Variants in PTPRH observed in about 807,000 individuals in gnomAD.
The protein encoded by PTPRH is protein tyrosine phosphatase receptor type H.
PTPRH carries 113 observed loss-of-function variants against 130.2 expected under a neutral mutation model. That is an observed-to-expected ratio of 0.87 (90% CI 0.75 to 1.01). The LOEUF is 1.01. PTPRH is among the 50% of genes least tolerant of loss of function. PTPRH has a pLI of 0.00. For synonymous variants in PTPRH, 556 were observed against 577.9 expected, an observed-to-expected ratio of 0.96 and a Z score of 0.54; for missense variants, 1,430 against 1,425.0, an observed-to-expected ratio of 1.00 and a Z score of -0.06.
At chr19:55,206,245 A>AC (rs1303196971) in intron 3 of PTPRH, among the ~76,000 whole-genome samples, 2 of 152,100 alleles carry the variant, frequency 1.3e-5, no homozygotes, top group East Asian at 3.8e-4. Flanking sequence ...AAAAAAAAAA[A>AC]ATTGTATCTG....
At chr19:55,204,195 C>T (rs2122286666) in intron 4 of PTPRH, 147 bp from the exon 5 acceptor site, 1 of 896,718 alleles carries the variant, frequency 1.1e-6, no homozygotes, top group East Asian at 2.7e-5. Flanking sequence ...TCTCGGCTCA[C>T]CACAGCCTCC....
chr19:55,206,329 T>G (rs1266905602), intron 3 of PTPRH, among the ~76,000 whole-genome samples: 1 of 142,590 alleles, frequency 7.0e-6, no homozygotes, highest in Non-Finnish European at 1.5e-5. Context: ...TTTTCTTTTC[T>G]TTTTTTTTTT....
intron 14 of PTPRH, among the ~76,000 whole-genome samples, 160 bp downstream of exon 14, chr19:55,187,353 A>G (rs1568894947): frequency 7.2e-6 from 1 of 139,510 alleles, no homozygotes; most frequent in East Asian, 2.1e-4. Flanking sequence ...TCAAAAAAAA[A>G]AAAAAAAGAA....
At chr19:55,206,347 A>G (rs2087054511) in intron 3 of PTPRH, among the ~76,000 whole-genome samples, 1 of 146,178 alleles carries the variant, frequency 6.8e-6, no homozygotes, top group Admixed American at 6.8e-5. Flanking sequence ...TTTTTGAGAC[A>G]GGGTTTCTCT....
chr19:55,183,260 C>T (rs1214720684), intron 18 of PTPRH, among the ~76,000 whole-genome samples: 15 of 149,808 alleles, frequency 1.0e-4, no homozygotes, highest in Admixed American at 7.3e-4. Flanking sequence ...AAAAATTACC[C>T]GGGTGTGGTG....
Position 55,186,307 on chromosome 19 carries a change from G to A in PTPRH, c.2696C>T (p.Thr899Ile). Residue 899 changes from threonine to isoleucine, a missense_variant, in exon 16 of 20, where the codon ACA becomes ATA. By Grantham distance (89) the Thr-to-Ile change is moderately conservative. Coordinates refer to ENST00000376350, the MANE Select transcript of PTPRH (RefSeq NM_002842.5). ...CACCAGGCGCCAGAAGTCACCCACT[G>A]TCTGTGGCAGGGGACCCTGGGTTGC... Reference protein sequence around the residue: ...FIATQGPLPQTVGDFWRLVWE... With the variant: ...FIATQGPLPQIVGDFWRLVWE... 6.2e-7 allele frequency: 1 copy of A among 1,614,098 alleles called. No individual in the cohort carries two copies. The highest frequency in any genetic ancestry group is 8.5e-7 in the Non-Finnish European group (1 of 1,179,978).
At chr19:55,186,791 T>C (rs914808279) in intron 14 of PTPRH, among the ~76,000 whole-genome samples, 4 of 152,108 alleles carry the variant, frequency 2.6e-5, no homozygotes, top group African/African-American at 9.7e-5. Flanking sequence ...ACACCTGTAA[T>C]CCCAGAACTT....
chr19:55,194,838 T>C (rs533334099), intron 10 of PTPRH, among the ~76,000 whole-genome samples: 42 of 152,228 alleles, frequency 2.8e-4, no homozygotes, highest in Admixed American at 3.9e-4. Context: ...TTACCCATAA[T>C]GGTCAAAAGT....
chr19:55,191,556 A>T lies in PTPRH; in HGVS notation c.2337-8T>A. The T allele has an allele frequency of 1.2e-6, 2 of 1,614,176 alleles. No homozygotes were observed. The highest frequency in any genetic ancestry group is 2.7e-5 in the African/African-American group (2 of 75,038). On this transcript the variant is annotated splice_region_variant and splice_polypyrimidine_tract_variant and intron_variant, in intron 11 of 19. Coordinates refer to ENST00000376350, the MANE Select transcript of PTPRH (RefSeq NM_002842.5). ...TGCTGCTTCTTCTTATTCCTGGGAA[A>T]AGGACGTTAGGATGAGAGGCTCAGG... is the stretch of plus-strand genomic sequence containing the variant.
intron 10 of PTPRH, 147 bp from the exon 11 acceptor site, chr19:55,191,888 C>G (rs1190150349): frequency 3.9e-6 from 3 of 764,290 alleles, no homozygotes; most frequent in Non-Finnish European, 6.9e-6. Context: ...TTGCGTCGGT[C>G]CAGTTATACT....
intron 3 of PTPRH, among the ~76,000 whole-genome samples, chr19:55,205,974 T>C (rs1305513982): frequency 6.6e-6 from 1 of 152,200 alleles, no homozygotes; most frequent in African/African-American, 2.4e-5. Flanking sequence ...GGCTCACACC[T>C]GTAATCCCCG....
rs1290944742 is a variant in PTPRH at position 55,209,204 on chromosome 19, A to G, written c.51+179T>C. Among the ~76,000 whole-genome samples the G allele has an allele frequency of 1.3e-5, 2 of 151,996 alleles. No individual in the cohort carries two copies. Among genetic ancestry groups the G allele is most frequent in the Non-Finnish European group, 2.9e-5 (2 of 67,960 alleles). On this transcript the variant is annotated intron_variant, in intron 1 of 19. Coordinates refer to ENST00000376350, the MANE Select transcript of PTPRH (RefSeq NM_002842.5). This position sits in a 1 kb window ranked among gnomAD's most constrained non-coding sequence, Gnocchi z 4.1. ...TGTCCCCCGCAGCAGACACGACAGT[A>G]TCTAAGAGCCCAGGTGTAAGACTCT...
chr19:55,187,534 G>A lies in PTPRH; in HGVS notation c.2545C>T (p.Arg849Cys), dbSNP rs370354962. 2.0e-5 allele frequency: 33 copies of A among 1,612,760 alleles called. No homozygotes were observed. The highest frequency in any genetic ancestry group is 4.0e-5 in the African/African-American group (3 of 74,750). The change falls in exon 14 of 20, where the codon CGC becomes TGC. Residue 849 changes from arginine to cysteine, a missense_variant. Physicochemically the swap from Arg to Cys is radical, Grantham distance 180 (BLOSUM62 -3). Transcript: ENST00000376350. ...TCACAGGGCAGCACATTTCTGTAGC[G>A]GTTCTTGGCGTTGTTCTCTGAAGCC... ...ASASENNAKN[R>C]YRNVLPYDWS...
intron 6 of PTPRH, among the ~76,000 whole-genome samples, chr19:55,200,959 A>AAG (rs1491347150): frequency 2.9e-5 from 3 of 102,816 alleles, no homozygotes; most frequent in Non-Finnish European, 5.6e-5. Flanking sequence ...AACAAAAAAA[A>AAG]CAAACAAAAA....
intron 6 of PTPRH, among the ~76,000 whole-genome samples, chr19:55,201,660 G>T (rs2086867325): frequency 2.0e-5 from 3 of 152,224 alleles, no homozygotes; most frequent in South Asian, 4.1e-4. Context: ...TGGAGCTGAT[G>T]ATCTGAGTTT....
intron 4 of PTPRH, 36 bp from the exon 5 acceptor site, chr19:55,204,084 G>A (rs1303532584): frequency 3.2e-6 from 5 of 1,574,956 alleles, no homozygotes; most frequent in African/African-American, 1.4e-5. Context: ...ATATGAGCAG[G>A]ACTACAGAAC....
chr19:55,204,196 C>T, intron 4 of PTPRH, 148 bp from the exon 5 acceptor site: 1 of 889,160 alleles, frequency 1.1e-6, no homozygotes, highest in Non-Finnish European at 1.6e-6. Context: ...CTCGGCTCAC[C>T]ACAGCCTCCG....
Position 55,197,395 on chromosome 19 carries a change from A to C in PTPRH, c.1712T>G (p.Leu571Arg). 6.2e-7 allele frequency: 1 copy of C among 1,613,290 alleles called. No individual in the cohort carries two copies. Among genetic ancestry groups the C allele is most frequent in the Non-Finnish European group, 8.5e-7 (1 of 1,179,262 alleles). Residue 571 changes from leucine (L) to arginine (R), a missense_variant, in exon 9 of 20, where the codon CTC becomes CGC. Leu to Arg is a moderately radical substitution (Grantham distance 102). Coordinates refer to ENST00000376350, the MANE Select transcript of PTPRH (RefSeq NM_002842.5). The stretch of plus-strand genomic sequence containing the variant: ...GTTCTTAGTCTGAGTTTCATTCTGG[A>C]GATCTGTGACCTCATTGGGAGCTGA... ...AATAPNEVTD[L>R]QNETQTKNSV...
At chr19:55,201,944 T>C (rs1339475405) in intron 6 of PTPRH, 112 bp downstream of exon 6, 1 of 1,498,718 alleles carries the variant, frequency 6.7e-7, no homozygotes, top group Non-Finnish European at 9.1e-7. Context: ...TGGACATGAG[T>C]ACCTGGCTCA....
Sources: gnomAD v4.1 joint callset for allele counts (sites outside exome capture counted in the v4.1 genomes callset) on GRCh38, gnomAD v4.1.1 for gene constraint, Gnocchi (gnomAD v3.1) non-coding constraint, MANE v1.5 for transcripts, NCBI Gene and HGNC (gene_info 2026-07-23, HGNC 2026-07-21) for gene names.